Variants in DSE observed in about 807,000 individuals in gnomAD.
DSE encodes the protein dermatan-sulfate epimerase.
A neutral mutation model predicts 84.4 loss-of-function variants in DSE; 36 were observed. The observed-to-expected ratio is 0.43, with a 90% CI of 0.33 to 0.56. The LOEUF (loss-of-function observed/expected upper bound fraction) is 0.56, where lower values mean the gene tolerates loss of function less well. Ranked by LOEUF, DSE falls within the 20% of genes least tolerant of loss-of-function variation. DSE has a pLI of 0.06. For missense variants in DSE, 862 were observed against 1,169.6 expected (o/e 0.74, Z 3.84); for synonymous variants, 410 against 430.1 (o/e 0.95, Z 0.58).
intron 2 of DSE, among the ~76,000 whole-genome samples, chr6:116,300,265 A>G (rs960753039): frequency 4.6e-5 from 7 of 152,222 alleles, no homozygotes; most frequent in African/African-American, 1.7e-4. Flanking sequence ...AGTAAGTTTC[A>G]AATAGTACAT....
chr6:116,357,690 A>G (rs566546159), intron 2 of DSE, among the ~76,000 whole-genome samples: 240 of 152,276 alleles, frequency 1.6e-3, no homozygotes, highest in Non-Finnish European at 2.2e-3. Flanking sequence ...AATATTTAGA[A>G]ACTACTTCCC....
chr6:116,279,951 G>T lies in DSE; in HGVS notation c.-54+20984G>T. The T allele has an allele frequency of 2.1e-6, 3 of 1,419,220 alleles. No homozygotes were observed. In the South Asian group the frequency reaches 3.5e-5, roughly 17 times the overall value. 87.9% of individuals were successfully genotyped at this position (1,419,220 alleles called of 1,614,324 possible). ...TCACTAACATTTCAGCGGCGGTGTC[G>T]TCAGGACTGGAGATCTCACGGTATC... On this transcript the variant is annotated intron_variant, in intron 2 of 3. Coordinates refer to the DSE transcript ENST00000430252.
intron 1 of DSE, among the ~76,000 whole-genome samples, chr6:116,377,987 A>G (rs1338382112): frequency 6.6e-6 from 1 of 152,178 alleles, no homozygotes; most frequent in African/African-American, 2.4e-5. Context: ...GAATGGGGGC[A>G]GGCTCACCAA....
At chr6:116,430,652 C>T (rs1458405006) in intron 3 of DSE, among the ~76,000 whole-genome samples, 1 of 152,200 alleles carries the variant, frequency 6.6e-6, no homozygotes, top group Non-Finnish European at 1.5e-5. Flanking sequence ...CACCATTCTC[C>T]TTCCTCAGCC....
intron 1 of DSE, among the ~76,000 whole-genome samples, chr6:116,397,540 G>T: frequency 6.6e-6 from 1 of 152,056 alleles, no homozygotes; most frequent in Non-Finnish European, 1.5e-5. Context: ...CAAGGAATAA[G>T]CCCCTGGGGG....
At chr6:116,366,054 CTACT>C (rs1182913585), upstream of DSE, 1 of 152,224 alleles carries the variant, frequency 6.6e-6, no homozygotes, top group Non-Finnish European at 1.5e-5. Context: ...CAATAAACAC[CTACT>C]TACTGAGTTC....
chr6:116,279,334 G>A (rs1183972232), intron 2 of DSE: 3 of 1,610,690 alleles, frequency 1.9e-6, no homozygotes, highest in Non-Finnish European at 2.5e-6. Flanking sequence ...CTCAGCCACG[G>A]CTGCTGAGAC....
At chr6:116,306,824 T>C (rs890834248) in intron 2 of DSE, among the ~76,000 whole-genome samples, 22 of 152,220 alleles carry the variant, frequency 1.4e-4, no homozygotes, top group African/African-American at 5.3e-4. Context: ...CCCTAAGAGC[T>C]CTCTTTGCCT....
chr6:116,329,119 AC>A (rs1314355403), intron 2 of DSE, among the ~76,000 whole-genome samples: 2 of 152,192 alleles, frequency 1.3e-5, no homozygotes, highest in East Asian at 3.8e-4. Flanking sequence ...GCTGAATATT[AC>A]GTTTTTATTA....
At chr6:116,324,687 C>T (rs1432483106) in intron 2 of DSE, among the ~76,000 whole-genome samples, 2 of 152,186 alleles carry the variant, frequency 1.3e-5, no homozygotes, top group Non-Finnish European at 2.9e-5. Context: ...AGTTCATTAT[C>T]CCCTCTCATT....
rs917234198 is a variant in DSE, at chr6:116,431,806, A to G, written c.910+613A>G. ...TCTAAAAAAAATATATACATGATTTAATAATGTATTCATTTCCAGAGAACT... is the reference window on the plus strand; with the variant it reads ...TCTAAAAAAAATATATACATGATTTGATAATGTATTCATTTCCAGAGAACT... On this transcript the variant is annotated intron_variant, in intron 4 of 5. Coordinates refer to ENST00000644252, the MANE Select transcript of DSE (RefSeq NM_013352.4). 2.0e-5 allele frequency among the ~76,000 whole-genome samples: 3 copies of G among 152,184 alleles called. No homozygotes were observed. The South Asian group carries it at 6.2e-4, about 31-fold the overall frequency.
intron 2 of DSE, among the ~76,000 whole-genome samples, chr6:116,337,875 A>G (rs1290770553): frequency 6.6e-6 from 1 of 152,198 alleles, no homozygotes; most frequent in Non-Finnish European, 1.5e-5. Flanking sequence ...GACATTGACT[A>G]TAAGTTCATT....
At position 116,402,204 on chromosome 6, in the gene DSE, T is replaced by C. The variant is rs141697680; in HGVS notation, c.416+2538T>C. The stretch of plus-strand genomic sequence containing the variant: ...TAAAGCCTAAGCTAAGGATATTTTC[T>C]CTGCTCAGAATTGAGTGTGTGGATC... On this transcript the variant is annotated intron_variant, in intron 2 of 5. Transcript: ENST00000644252. Among the ~76,000 whole-genome samples, 729 of 152,330 alleles carry C rather than the reference T, an allele frequency of 4.8e-3. 6 individuals carry two copies. Among genetic ancestry groups the C allele is most frequent in the African/African-American group, 0.017 (710 of 41,576 alleles).
chr6:116,372,385 G>A (rs1235320711), intron 1 of DSE, among the ~76,000 whole-genome samples: 10 of 152,138 alleles, frequency 6.6e-5, no homozygotes, highest in Admixed American at 1.3e-4. Flanking sequence ...GGAGAATGGC[G>A]TGAACCCAGG....
At chr6:116,310,933 G>T (rs1271014396) in intron 2 of DSE, among the ~76,000 whole-genome samples, 1 of 152,216 alleles carries the variant, frequency 6.6e-6, no homozygotes, top group Non-Finnish European at 1.5e-5. Context: ...TGCCTTGCCT[G>T]TGTGTCCAGC....
chr6:116,420,243 A>C (rs777742460), intron 2 of DSE, among the ~76,000 whole-genome samples: 1 of 152,230 alleles, frequency 6.6e-6, no homozygotes, highest in African/African-American at 2.4e-5. Flanking sequence ...TTAAATAGAC[A>C]GTTGCTATGA....
chr6:116,391,162 A>G (rs1780877759), intron 1 of DSE, among the ~76,000 whole-genome samples: 1 of 152,242 alleles, frequency 6.6e-6, no homozygotes, highest in Non-Finnish European at 1.5e-5. Context: ...TGGGCTTCAC[A>G]TTATATAATG....
intron 2 of DSE, among the ~76,000 whole-genome samples, chr6:116,355,447 A>G (rs1422625151): frequency 6.6e-6 from 1 of 151,976 alleles, no homozygotes; most frequent in African/African-American, 2.4e-5. Context: ...TAGGCCACAG[A>G]CTCCTATTTC....
intron 2 of DSE, among the ~76,000 whole-genome samples, chr6:116,405,611 C>G (rs1781873023): frequency 6.6e-6 from 1 of 152,130 alleles, no homozygotes; most frequent in Admixed American, 6.5e-5. Context: ...CTTAAAAATA[C>G]TATAGAAGGG....
Sources: gnomAD v4.1 joint callset for allele counts (sites outside exome capture counted in the v4.1 genomes callset) on GRCh38, gnomAD v4.1.1 for gene constraint, MANE v1.5 for transcripts, NCBI Gene and HGNC (gene_info 2026-07-23, HGNC 2026-07-21) for gene names.